The following EXOC6B variants were observed in gnomAD, a reference collection of about 807,000 sequenced individuals.
EXOC6B encodes exocyst complex component 6B, also known as SEC15 homolog B.
In EXOC6B, 54 loss-of-function variants were observed where a neutral mutation model predicts 113.5. The observed-to-expected ratio is 0.48, with a 90% CI of 0.38 to 0.60. The LOEUF (loss-of-function observed/expected upper bound fraction) is 0.60. Among genes scored for constraint, EXOC6B ranks in the 20% least tolerant of loss-of-function variants. EXOC6B has a pLI of 0.00. For missense variants in EXOC6B, 797 were observed against 977.5 expected (o/e 0.82, Z 2.46); for synonymous variants, 357 against 339.0 (o/e 1.05, Z -0.58).
chr2:72,616,523 T>A (rs890689634), intron 6 of EXOC6B, among the ~76,000 whole-genome samples: 12 of 152,182 alleles, frequency 7.9e-5, no homozygotes, highest in Admixed American at 7.9e-4. Context: ...AGGCTTCACA[T>A]TCATTGCTGA....
chr2:72,601,756 C>T (rs1463369103), intron 6 of EXOC6B, among the ~76,000 whole-genome samples: 2 of 152,036 alleles, frequency 1.3e-5, no homozygotes, highest in African/African-American at 2.4e-5. Context: ...AATGGCCAAA[C>T]CTTAGAAGCA....
At chr2:72,603,018 G>C (rs1246144679) in intron 6 of EXOC6B, among the ~76,000 whole-genome samples, 1 of 151,650 alleles carries the variant, frequency 6.6e-6, no homozygotes, top group Non-Finnish European at 1.5e-5. Context: ...AGGTAGAAGA[G>C]GAGTGGGTGG....
chr2:72,565,344 C>T (rs1704099326), intron 7 of EXOC6B, among the ~76,000 whole-genome samples: 1 of 110,582 alleles, frequency 9.0e-6, no homozygotes, highest in Non-Finnish European at 1.7e-5. Flanking sequence ...GAGTGAGACC[C>T]TGTCTAAAAA....
chr2:72,370,571 A>G (rs988286478), intron 19 of EXOC6B, among the ~76,000 whole-genome samples: 1 of 152,214 alleles, frequency 6.6e-6, no homozygotes, highest in African/African-American at 2.4e-5. Context: ...ATGTATGTTT[A>G]TTGCGGCACT....
At chr2:72,794,390 T>C (rs1194062446) in intron 1 of EXOC6B, among the ~76,000 whole-genome samples, 1 of 152,188 alleles carries the variant, frequency 6.6e-6, no homozygotes, top group Non-Finnish European at 1.5e-5. Flanking sequence ...TTATTTTTAG[T>C]CAAACAATCC....
chr2:72,626,020 C>A (rs768406050), intron 6 of EXOC6B, among the ~76,000 whole-genome samples: 1 of 152,100 alleles, frequency 6.6e-6, no homozygotes, highest in Non-Finnish European at 1.5e-5. Flanking sequence ...TTAACAGCAG[C>A]CCTTCCTTTT....
intron 6 of EXOC6B, among the ~76,000 whole-genome samples, chr2:72,687,125 C>T (rs939020106): frequency 4.2e-4 from 63 of 148,602 alleles, no homozygotes; most frequent in African/African-American, 1.4e-3. Flanking sequence ...GTGACAGAGC[C>T]AGACTGTGTC....
chr2:72,721,679 T>C (rs1680018680), intron 5 of EXOC6B: 2 of 152,028 alleles, frequency 1.3e-5, no homozygotes, highest in Non-Finnish European at 2.9e-5. Context: ...TCTTGAATTA[T>C]AGAATTATTT....
At chr2:72,412,813 T>A (rs1558643722) in intron 18 of EXOC6B, among the ~76,000 whole-genome samples, 1 of 152,186 alleles carries the variant, frequency 6.6e-6, no homozygotes, top group Non-Finnish European at 1.5e-5. Flanking sequence ...ATCACCTTTT[T>A]TAGACTATAA....
At chr2:72,716,809 T>G (rs1462517512) in intron 6 of EXOC6B, among the ~76,000 whole-genome samples, 1 of 152,030 alleles carries the variant, frequency 6.6e-6, no homozygotes, top group Non-Finnish European at 1.5e-5. Context: ...TCCTCTTTCT[T>G]TCATCAAAAG....
intron 20 of EXOC6B, among the ~76,000 whole-genome samples, chr2:72,239,904 TA>T (rs1387345278): frequency 1.3e-5 from 2 of 152,116 alleles, no homozygotes; most frequent in African/African-American, 4.8e-5. Context: ...AATATTTTAT[TA>T]TTTTTTATTT....
At chr2:72,478,067 T>A (rs1264502052) in intron 17 of EXOC6B, among the ~76,000 whole-genome samples, 2 of 152,020 alleles carry the variant, frequency 1.3e-5, no homozygotes, top group Non-Finnish European at 2.9e-5. Context: ...ATTGAATACA[T>A]CTAATGTATT....
At chr2:72,297,184 A>G (rs1686189128) in intron 20 of EXOC6B, among the ~76,000 whole-genome samples, 1 of 152,148 alleles carries the variant, frequency 6.6e-6, no homozygotes, top group South Asian at 2.1e-4. Flanking sequence ...TTTAAATTTC[A>G]TATGTCTTGG....
At chr2:72,359,511 C>A (rs1342129639) in intron 19 of EXOC6B, among the ~76,000 whole-genome samples, 1 of 152,098 alleles carries the variant, frequency 6.6e-6, no homozygotes, top group African/African-American at 2.4e-5. Flanking sequence ...AAATAAATTT[C>A]TATTATTTAT....
chr2:72,535,739 G>C (rs762838791), intron 8 of EXOC6B, among the ~76,000 whole-genome samples: 1 of 151,760 alleles, frequency 6.6e-6, no homozygotes, highest in East Asian at 1.9e-4. Flanking sequence ...GTATGGTGAC[G>C]CATGTCTGTA....
intron 1 of EXOC6B, among the ~76,000 whole-genome samples, chr2:72,815,600 A>G (rs1450332028): frequency 6.6e-6 from 1 of 152,176 alleles, no homozygotes; most frequent in Admixed American, 6.5e-5. Flanking sequence ...CCTCACTCAC[A>G]ATAAGAAAAA....
chr2:72,648,815 T>G (rs957001244), intron 6 of EXOC6B, among the ~76,000 whole-genome samples: 1 of 174 alleles, frequency 5.7e-3, no homozygotes, highest in Non-Finnish European at 0.014. Flanking sequence ...AGAAAAATGT[T>G]GCAATGTTCT....
intron 6 of EXOC6B, among the ~76,000 whole-genome samples, chr2:72,709,096 T>A (rs1175652377): frequency 6.6e-6 from 1 of 152,014 alleles, no homozygotes; most frequent in Non-Finnish European, 1.5e-5. Flanking sequence ...CTAAAACTTC[T>A]TCTCAAGATG....
chr2:72,545,908 T>G (rs899200725), intron 8 of EXOC6B, among the ~76,000 whole-genome samples: 1 of 152,222 alleles, frequency 6.6e-6, no homozygotes, highest in African/African-American at 2.4e-5. Context: ...GAAATTATCT[T>G]AACACCTCAG....
Sources: allele counts gnomAD v4.1 joint callset (sites outside exome capture counted in the v4.1 genomes callset), GRCh38; gene constraint gnomAD v4.1.1; transcripts MANE v1.5; gene names NCBI Gene and HGNC (gene_info 2026-07-23, HGNC 2026-07-21).